The following ANKS1B variants were observed in gnomAD, a reference collection of about 807,000 sequenced individuals.
The protein encoded by ANKS1B is ankyrin repeat and sterile alpha motif domain-containing protein 1B.
A neutral mutation model predicts 148.3 loss-of-function variants in ANKS1B; 36 were observed. The ratio of observed to expected loss-of-function variants is 0.24; its 90% CI spans 0.19 to 0.32. The LOEUF is 0.32. ANKS1B is among the 10% of genes least tolerant of loss of function. The probability of loss-of-function intolerance (pLI) is 1.00; values close to 1 mark genes in which losing one functional copy is unlikely to be tolerated. For synonymous variants in ANKS1B, 542 were observed against 560.8 expected (o/e 0.97, Z 0.47); for missense variants, 1,157 against 1,542.6 (o/e 0.75, Z 4.19).
At chr12:99,109,681 G>C (rs187591607) in intron 15 of ANKS1B, among the ~76,000 whole-genome samples, 2 of 152,288 alleles carry the variant, frequency 1.3e-5, no homozygotes, top group Admixed American at 1.3e-4. Context: ...GAGGCACAGA[G>C]AAGTAAGGTG....
intron 8 of ANKS1B, among the ~76,000 whole-genome samples, chr12:99,698,990 G>A (rs112139871): frequency 1.2e-4 from 19 of 152,016 alleles, no homozygotes; most frequent in Non-Finnish European, 2.1e-4. Context: ...ACGCACGTGC[G>A]CAAGCACATG....
At chr12:98,750,888 A>G (rs1593472396) in intron 26 of ANKS1B, among the ~76,000 whole-genome samples, 1 of 152,348 alleles carries the variant, frequency 6.6e-6, no homozygotes, top group East Asian at 1.9e-4. Context: ...CAGGCCTTGC[A>G]TATAGCAGGG....
intron 8 of ANKS1B, among the ~76,000 whole-genome samples, chr12:99,697,876 G>A (rs974054962): frequency 1.3e-5 from 2 of 152,204 alleles, no homozygotes; most frequent in East Asian, 3.9e-4. Flanking sequence ...AAACTTTTCT[G>A]TAAACCTAAA....
chr12:99,219,924 AT>A (rs1239734771), intron 14 of ANKS1B, among the ~76,000 whole-genome samples: 1 of 152,226 alleles, frequency 6.6e-6, no homozygotes, highest in Non-Finnish European at 1.5e-5. Flanking sequence ...TGGTGTTCAA[AT>A]ATTTTAAAAG....
At chr12:99,871,352 T>C (rs2091491554) in intron 1 of ANKS1B, among the ~76,000 whole-genome samples, 1 of 152,162 alleles carries the variant, frequency 6.6e-6, no homozygotes, top group Admixed American at 6.6e-5. Context: ...GTGATGACTC[T>C]GGCTTTGTTC....
intron 9 of ANKS1B, among the ~76,000 whole-genome samples, chr12:99,585,439 T>C (rs1304418337): frequency 6.6e-6 from 1 of 152,028 alleles, no homozygotes; most frequent in African/African-American, 2.4e-5. Flanking sequence ...CAGCATTGAG[T>C]ATCTGTGACT....
chr12:98,926,509 G>A (rs1222750012), intron 17 of ANKS1B, among the ~76,000 whole-genome samples: 1 of 152,104 alleles, frequency 6.6e-6, no homozygotes, highest in African/African-American at 2.4e-5. Flanking sequence ...AAAAAGCAAA[G>A]TATGGCCCAT....
In ANKS1B at chr12:99,178,348, A is replaced by G. The variant is rs879669429; in HGVS notation, c.2420-23953T>C. On this transcript the variant is annotated intron_variant, in intron 14 of 26. Coordinates refer to ENST00000683438, the MANE Select transcript of ANKS1B (RefSeq NM_001352186.2). Reference sequence around the variant, plus strand: ...GCAGAGATTAAGCAAAAAATCCACAATGGGTAATGCACATGTCTTGGCCCC... The same window carrying G: ...GCAGAGATTAAGCAAAAAATCCACAGTGGGTAATGCACATGTCTTGGCCCC... Among the ~76,000 whole-genome samples the G allele has an allele frequency of 1.4e-4, 21 of 152,334 alleles. 1 individual carries two copies. The highest frequency in any genetic ancestry group is 3.4e-3 in the Middle Eastern group (1 of 294).
At chr12:99,697,013 C>CTTG (rs1348056655) in intron 8 of ANKS1B, among the ~76,000 whole-genome samples, 4 of 152,126 alleles carry the variant, frequency 2.6e-5, no homozygotes, top group African/African-American at 9.7e-5. Context: ...GAACTGCAAA[C>CTTG]TAAAACAACA....
intron 12 of ANKS1B, among the ~76,000 whole-genome samples, chr12:99,343,400 A>T (rs1263354714): frequency 2.0e-5 from 3 of 152,042 alleles, no homozygotes; most frequent in Non-Finnish European, 2.9e-5. Context: ...ACATTCCTGA[A>T]ATAGCTTTAA....
chr12:99,146,956 G>A (rs540621735), intron 15 of ANKS1B, among the ~76,000 whole-genome samples: 9 of 152,146 alleles, frequency 5.9e-5, no homozygotes, highest in South Asian at 2.1e-4. Flanking sequence ...ACATGCCCAC[G>A]CCCATTTATC....
intron 8 of ANKS1B, among the ~76,000 whole-genome samples, chr12:99,727,672 A>T (rs2058742768): frequency 6.6e-6 from 1 of 152,144 alleles, no homozygotes; most frequent in South Asian, 2.1e-4. Context: ...ACAAGAGCCC[A>T]TATAGCCAGG....
intron 10 of ANKS1B, among the ~76,000 whole-genome samples, chr12:99,473,109 T>C (rs931183889): frequency 3.9e-4 from 60 of 151,992 alleles, no homozygotes; most frequent in Non-Finnish European, 1.0e-4. Context: ...CATCCTGAAG[T>C]TGGTATGTAT....
intron 1 of ANKS1B, among the ~76,000 whole-genome samples, chr12:99,842,472 C>G (rs2085899741): frequency 6.6e-6 from 1 of 152,118 alleles, no homozygotes; most frequent in Admixed American, 6.6e-5. Context: ...AAGAGCTCTG[C>G]TCAGTCAGTT....
Position 99,592,483 on chromosome 12 carries a change from A to G in ANKS1B, c.1272+62584T>C, listed in dbSNP as rs567495449. ...TGGCTTACTAGAGATTGGAAATGAA[A>G]AAAAAAAAAGGTGAAAAGAATTTAT... On this transcript the variant is annotated intron_variant, in intron 9 of 26. Transcript: ENST00000683438. Among the ~76,000 whole-genome samples, 53 of 151,802 alleles carry G rather than the reference A, an allele frequency of 3.5e-4. No individual in the cohort carries two copies. The East Asian group carries it at 0.01, about 29-fold the overall frequency.
chr12:99,431,529 T>C (rs1322454736), intron 11 of ANKS1B, among the ~76,000 whole-genome samples: 2 of 152,210 alleles, frequency 1.3e-5, no homozygotes, highest in East Asian at 1.9e-4. Flanking sequence ...TGGGTTTACA[T>C]GGGTGGTAGC....
chr12:99,653,678 C>CTTTTTT (rs199988255), intron 9 of ANKS1B, among the ~76,000 whole-genome samples: 4 of 113,584 alleles, frequency 3.5e-5, no homozygotes, highest in Non-Finnish European at 7.3e-5. Context: ...TTCTTTCTTT[C>CTTTTTT]TTTTTTTTTT....
intron 8 of ANKS1B, among the ~76,000 whole-genome samples, chr12:99,664,895 TA>T (rs2098498263): frequency 6.6e-6 from 1 of 152,240 alleles, no homozygotes; most frequent in African/African-American, 2.4e-5. Flanking sequence ...TCCACGTTAG[TA>T]AAATTCACTC....
chr12:98,742,387 T>C (rs2153353783), downstream of ANKS1B, among the ~76,000 whole-genome samples: 1 of 152,144 alleles, frequency 6.6e-6, no homozygotes, highest in African/African-American at 2.4e-5. Context: ...TCTCTGAGGT[T>C]TTGGAGAGAA....
Sources: allele counts gnomAD v4.1 joint callset (sites outside exome capture counted in the v4.1 genomes callset), GRCh38; gene constraint gnomAD v4.1.1; transcripts MANE v1.5; gene names NCBI Gene and HGNC (gene_info 2026-07-23, HGNC 2026-07-21).